The following RBFOX1 variants were observed in gnomAD, a reference collection of about 807,000 sequenced individuals.
RBFOX1 encodes the protein RNA binding fox-1 homolog 1.
RBFOX1 carries 8 observed loss-of-function variants against 57.7 expected under a neutral mutation model. That is an observed-to-expected ratio of 0.14 (90% CI 0.08 to 0.25). The LOEUF (loss-of-function observed/expected upper bound fraction) is 0.25, where lower values mean the gene tolerates loss of function less well. Ranked by LOEUF, RBFOX1 falls within the 10% of genes least tolerant of loss-of-function variation. The pLI is 1.00. For missense variants in RBFOX1, 611 were observed against 548.5 expected (o/e 1.11, Z -1.14); for synonymous variants, 326 against 222.4 (o/e 1.47, Z -4.15).
At chr16:6,543,522 A>G (rs777252411) in intron 2 of RBFOX1, among the ~76,000 whole-genome samples, 6 of 152,014 alleles carry the variant, frequency 3.9e-5, no homozygotes, top group Non-Finnish European at 8.8e-5. Context: ...TTCCGCCTGC[A>G]TTTTGGGCTT....
intron 4 of RBFOX1, among the ~76,000 whole-genome samples, chr16:5,891,894 G>A (rs945880986): frequency 1.3e-5 from 2 of 152,166 alleles, no homozygotes; most frequent in Admixed American, 6.5e-5. Flanking sequence ...AGCAGCACAC[G>A]TTGCGCAGGA....
chr16:6,169,711 A>G (rs1018834306), intron 1 of RBFOX1, among the ~76,000 whole-genome samples: 4 of 152,326 alleles, frequency 2.6e-5, no homozygotes, highest in East Asian at 1.9e-4. Context: ...AGGTGCAGCC[A>G]CTAGGATTGG....
At chr16:5,428,177 A>G (rs776222327) in intron 1 of RBFOX1, among the ~76,000 whole-genome samples, 4 of 151,982 alleles carry the variant, frequency 2.6e-5, no homozygotes, top group Admixed American at 6.6e-5. Context: ...CACAAACACA[A>G]TGCATGCATT....
intron 3 of RBFOX1, among the ~76,000 whole-genome samples, chr16:5,664,829 A>T (rs905676474): frequency 6.6e-6 from 1 of 152,204 alleles, no homozygotes; most frequent in Non-Finnish European, 1.5e-5. Context: ...CTGGCTTCTC[A>T]TTGTTCTCAG....
At chr16:6,095,531 A>G (rs376967315) in intron 1 of RBFOX1, among the ~76,000 whole-genome samples, 2 of 152,280 alleles carry the variant, frequency 1.3e-5, no homozygotes, top group South Asian at 4.1e-4. Flanking sequence ...GGTAGGCAGA[A>G]CTGGAAGCAA....
At chr16:5,400,641 T>A (rs1343585739) in intron 1 of RBFOX1, among the ~76,000 whole-genome samples, 1 of 151,878 alleles carries the variant, frequency 6.6e-6, no homozygotes, top group African/African-American at 2.4e-5. Flanking sequence ...ATAGTTTAAT[T>A]TCCCCTTCCA....
At chr16:7,275,464 G>C (rs1241270318) in intron 4 of RBFOX1, among the ~76,000 whole-genome samples, 1 of 152,150 alleles carries the variant, frequency 6.6e-6, no homozygotes, top group Non-Finnish European at 1.5e-5. Flanking sequence ...GTAGGGTGTG[G>C]ATTTTCTTAT....
chr16:5,981,694 C>A (rs891293175), intron 4 of RBFOX1, among the ~76,000 whole-genome samples: 2 of 152,114 alleles, frequency 1.3e-5, no homozygotes, highest in African/African-American at 4.8e-5. Context: ...GTCTTGAACT[C>A]CTGACCTCGA....
At chr16:5,626,372 A>G (rs143377867) in intron 3 of RBFOX1, among the ~76,000 whole-genome samples, 92 of 152,132 alleles carry the variant, frequency 6.0e-4, no homozygotes, top group African/African-American at 2.1e-3. Flanking sequence ...CTGTATTTTA[A>G]TCTTCTCATC....
chr16:5,837,379 C>T (rs1372174687), intron 3 of RBFOX1, among the ~76,000 whole-genome samples: 1 of 151,982 alleles, frequency 6.6e-6, no homozygotes, highest in Non-Finnish European at 1.5e-5. Context: ...CCTAAGAGAT[C>T]TTATTGGACA....
At chr16:6,487,984 A>C (rs542235264) in intron 2 of RBFOX1, among the ~76,000 whole-genome samples, 1 of 152,054 alleles carries the variant, frequency 6.6e-6, no homozygotes, top group Non-Finnish European at 1.5e-5. Flanking sequence ...TTGTTCACAC[A>C]AAGAGTGTAC....
At chr16:5,548,328 T>A (rs1003179739) in intron 2 of RBFOX1, among the ~76,000 whole-genome samples, 1 of 151,114 alleles carries the variant, frequency 6.6e-6, no homozygotes, top group Non-Finnish European at 1.5e-5. Flanking sequence ...TTCAGTGTCA[T>A]GCAATATACT....
chr16:7,224,267 C>T (rs533204077), intron 4 of RBFOX1, among the ~76,000 whole-genome samples: 71 of 151,796 alleles, frequency 4.7e-4, no homozygotes, highest in African/African-American at 1.7e-3. Context: ...ATCGTACAAG[C>T]CAGCAGTTAT....
intron 2 of RBFOX1, among the ~76,000 whole-genome samples, chr16:6,606,997 C>T (rs937832270): frequency 6.6e-6 from 1 of 152,184 alleles, no homozygotes; most frequent in Non-Finnish European, 1.5e-5. Flanking sequence ...ATTCCTATTT[C>T]TCCAGAGCCT....
At chr16:6,011,997 A>G (rs2094963816) in intron 4 of RBFOX1, among the ~76,000 whole-genome samples, 1 of 152,198 alleles carries the variant, frequency 6.6e-6, no homozygotes, top group Non-Finnish European at 1.5e-5. Flanking sequence ...ACCCTGTTGT[A>G]TGGCTGTTCT....
intron 3 of RBFOX1, among the ~76,000 whole-genome samples, chr16:6,875,917 G>C (rs1195580853): frequency 6.6e-6 from 1 of 152,188 alleles, no homozygotes; most frequent in East Asian, 1.9e-4. Context: ...AGGATCACTT[G>C]AGCCGGGGAG....
intron 3 of RBFOX1, among the ~76,000 whole-genome samples, chr16:7,006,724 G>A (rs143702657): frequency 1.3e-5 from 2 of 152,186 alleles, no homozygotes; most frequent in South Asian, 2.1e-4. Context: ...CTGGGATTAC[G>A]GACATGAGCC....
intron 3 of RBFOX1, among the ~76,000 whole-genome samples, chr16:5,764,104 G>A (rs2151653631): frequency 6.6e-6 from 1 of 152,276 alleles, no homozygotes; most frequent in East Asian, 1.9e-4. Context: ...AAGAGAGAAG[G>A]CTGTGAAAGT....
chr16:5,967,001 G>GA (rs2059858414), intron 4 of RBFOX1, among the ~76,000 whole-genome samples: 1 of 129,568 alleles, frequency 7.7e-6, no homozygotes, highest in South Asian at 3.0e-4. Flanking sequence ...CGGGGGGGGG[G>GA]GGGTCAATAA....
Sources: allele counts gnomAD v4.1 joint callset (sites outside exome capture counted in the v4.1 genomes callset), GRCh38; gene constraint gnomAD v4.1.1; transcripts MANE v1.5; gene names NCBI Gene and HGNC (gene_info 2026-07-23, HGNC 2026-07-21).